The following ADAMTS16 variants were observed in gnomAD, a reference collection of about 807,000 sequenced individuals.
ADAMTS16 encodes the protein ADAM metallopeptidase with thrombospondin type 1 motif 16, also known as A disintegrin and metalloproteinase with thrombospondin motifs 16.
A neutral mutation model predicts 145.8 loss-of-function variants in ADAMTS16; 94 were observed. That is an observed-to-expected ratio of 0.64 (90% CI 0.55 to 0.77). ADAMTS16 has a LOEUF of 0.77. Among genes scored for constraint, ADAMTS16 ranks in the 30% least tolerant of loss-of-function variants. ADAMTS16 has a pLI of 0.00. For missense variants in ADAMTS16, 1,585 were observed against 1,591.5 expected (o/e 1.00, Z 0.07); for synonymous variants, 659 against 604.3 (o/e 1.09, Z -1.33).
At chr5:5,175,936 G>C (rs1735181346) in intron 3 of ADAMTS16, 1 of 152,274 alleles carries the variant, frequency 6.6e-6, no homozygotes, top group Admixed American at 6.5e-5. Flanking sequence ...ACCCTCCTCA[G>C]AGCCTCAAGT....
intron 3 of ADAMTS16, among the ~76,000 whole-genome samples, chr5:5,170,498 C>A (rs1005572679): frequency 6.6e-6 from 1 of 152,078 alleles, no homozygotes; most frequent in African/African-American, 2.4e-5. Flanking sequence ...CCTGCCTCAG[C>A]CCCCCGAGTA....
At chr5:5,286,236 GAT>G (rs1321640033) in intron 18 of ADAMTS16, among the ~76,000 whole-genome samples, 1 of 152,146 alleles carries the variant, frequency 6.6e-6, no homozygotes, top group Non-Finnish European at 1.5e-5. Context: ...AGTATTTTCT[GAT>G]GTCTGTATTT....
intron 18 of ADAMTS16, among the ~76,000 whole-genome samples, chr5:5,301,768 G>C (rs926915243): frequency 6.6e-6 from 1 of 152,164 alleles, no homozygotes; most frequent in Non-Finnish European, 1.5e-5. Context: ...TGAGATTCAG[G>C]AGCAAGTCAC....
intron 8 of ADAMTS16, among the ~76,000 whole-genome samples, chr5:5,196,652 A>T (rs1413510099): frequency 1.3e-5 from 2 of 152,192 alleles, no homozygotes; most frequent in East Asian, 3.8e-4. Context: ...CTTCCCATAC[A>T]CATGCATGCA....
intron 8 of ADAMTS16, among the ~76,000 whole-genome samples, chr5:5,193,993 T>G (rs1735733127): frequency 6.6e-6 from 1 of 152,090 alleles, no homozygotes; most frequent in East Asian, 1.9e-4. Flanking sequence ...TCCCAGCTAC[T>G]TGGGAGGCTG....
intron 3 of ADAMTS16, among the ~76,000 whole-genome samples, chr5:5,162,346 A>G (rs1459219916): frequency 6.6e-6 from 1 of 152,150 alleles, no homozygotes; most frequent in Non-Finnish European, 1.5e-5. Flanking sequence ...CCATTATCTA[A>G]CCTGCCAAAA....
rs1734111824 is a variant in ADAMTS16 at position 5,317,733 on chromosome 5, C to CCCA, written c.3412-401_3412-400insCCA. 1.3e-5 allele frequency among the ~76,000 whole-genome samples: 2 copies of CCCA among 152,146 alleles called. No homozygotes were observed. The highest frequency in any genetic ancestry group is 2.4e-5 in the African/African-American group (1 of 41,436). ...TTTTTTAAAAAGTGAACTCAGCCCC[C>CCCA]ACAAAGCCCAAGCCCGGGAACCGTC... On this transcript the variant is annotated intron_variant, in intron 21 of 22. Transcript: ENST00000274181. This position sits in a 1 kb window ranked among gnomAD's most constrained non-coding sequence, Gnocchi z 4.5.
chr5:5,140,903 T>C (rs1734148378), intron 2 of ADAMTS16, 137 bp downstream of exon 2: 1 of 864,748 alleles, frequency 1.2e-6, no homozygotes, highest in South Asian at 2.1e-5. Context: ...GAACTTTTTT[T>C]TTTTTTAACT....
At chr5:5,255,085 A>G (rs1229838852) in intron 17 of ADAMTS16, among the ~76,000 whole-genome samples, 3 of 152,132 alleles carry the variant, frequency 2.0e-5, no homozygotes, top group Admixed American at 2.0e-4. Flanking sequence ...TTTCTAATTA[A>G]GAAAACCATC....
At chr5:5,193,812 G>C (rs1332866973) in intron 8 of ADAMTS16, among the ~76,000 whole-genome samples, 7 of 152,284 alleles carry the variant, frequency 4.6e-5, no homozygotes, top group Middle Eastern at 3.4e-3. Context: ...TGTGAATAAA[G>C]AAAGAAGCCA....
chr5:5,246,451 G>A (rs2964424), intron 17 of ADAMTS16, among the ~76,000 whole-genome samples: 150,526 of 152,320 alleles, frequency 0.99, 74,393 homozygotes, highest in Middle Eastern at 1. Flanking sequence ...TTAGGGATTA[G>A]GTTTGAAAAA....
intron 17 of ADAMTS16, among the ~76,000 whole-genome samples, chr5:5,259,669 A>T (rs1173673302): frequency 6.6e-6 from 1 of 152,218 alleles, no homozygotes; most frequent in Non-Finnish European, 1.5e-5. Flanking sequence ...TCAATTGAGT[A>T]TTCATCTCAC....
At chr5:5,223,027 T>A (rs1316992873) in intron 11 of ADAMTS16, 143 bp downstream of exon 11, 3 of 615,654 alleles carry the variant, frequency 4.9e-6, no homozygotes, top group Non-Finnish European at 8.4e-6. Context: ...AAACACTGTG[T>A]TTATTTTATA....
At chr5:5,196,392 G>A (rs1031662421) in intron 8 of ADAMTS16, among the ~76,000 whole-genome samples, 2 of 152,090 alleles carry the variant, frequency 1.3e-5, no homozygotes, top group Admixed American at 6.5e-5. Flanking sequence ...GCTGTGCTTT[G>A]TCACCAGTCT....
chr5:5,200,694 T>A (rs538042779), intron 9 of ADAMTS16, among the ~76,000 whole-genome samples: 2 of 152,290 alleles, frequency 1.3e-5, no homozygotes, highest in Admixed American at 1.3e-4. Context: ...TTTTCCTTCC[T>A]TCCTTTTCTT....
intron 18 of ADAMTS16, among the ~76,000 whole-genome samples, chr5:5,272,417 A>G (rs1738517356): frequency 7.2e-6 from 1 of 139,516 alleles, no homozygotes; most frequent in East Asian, 2.1e-4. Context: ...GCTGGAGTGC[A>G]GTGGCGCAAT....
rs560649066 is a variant in ADAMTS16 at position 5,207,143 on chromosome 5, A to G, written c.1452-1950A>G. 8.5e-5 allele frequency among the ~76,000 whole-genome samples: 13 copies of G among 152,354 alleles called. 1 individual carries two copies. In the South Asian group the frequency reaches 2.5e-3, roughly 29 times the overall value. On this transcript the variant is annotated intron_variant, in intron 9 of 22. Coordinates refer to ENST00000274181, the MANE Select transcript of ADAMTS16 (RefSeq NM_139056.4). ...GAAGCTATAGATTAAAATGGGAAGA[A>G]CTAATCTCCTGACAAGATTGAGTCT...
At chr5:5,197,019 G>T (rs1162028996) in intron 8 of ADAMTS16, among the ~76,000 whole-genome samples, 1 of 152,146 alleles carries the variant, frequency 6.6e-6, no homozygotes. Flanking sequence ...TTTCATGGAG[G>T]GTGAGCTGTG....
Position 5,146,386 on chromosome 5 carries a change from C to CTGTT in ADAMTS16, c.434_437dup (p.Phe146LeufsTer74), listed in dbSNP as rs1560922494. The CTGTT allele has an allele frequency of 6.2e-7, 1 of 1,614,076 alleles. No individual in the cohort carries two copies. Among genetic ancestry groups the CTGTT allele is most frequent in the Admixed American group, 1.7e-5 (1 of 60,028 alleles). On this transcript the variant is annotated frameshift_variant, in exon 3 of 23. Coordinates refer to ENST00000274181, the MANE Select transcript of ADAMTS16 (RefSeq NM_139056.4). LOFTEE classifies it high-confidence loss of function. ...TGCAGACTTTACCGCCAGAGGACTT[C>CTGTT]TGTTTCTATCAAGGCTCTTTGCGAT... is the stretch of plus-strand genomic sequence containing the variant.
Sources: gnomAD v4.1 joint callset for allele counts (sites outside exome capture counted in the v4.1 genomes callset) on GRCh38, gnomAD v4.1.1 for gene constraint, Gnocchi (gnomAD v3.1) non-coding constraint, MANE v1.5 for transcripts, NCBI Gene and HGNC (gene_info 2026-07-23, HGNC 2026-07-21) for gene names.